IFRD1: variants seen among roughly 807,000 people sequenced by gnomAD.
IFRD1 encodes interferon-related developmental regulator 1.
IFRD1 carries 35 observed loss-of-function variants against 52.9 expected under a neutral mutation model. The ratio of observed to expected loss-of-function variants is 0.66; its 90% CI spans 0.51 to 0.88. The LOEUF is 0.88. IFRD1 is among the 40% of genes least tolerant of loss of function. The pLI, the probability that IFRD1 is intolerant of heterozygous loss-of-function variation, is 0.00. For synonymous variants in IFRD1, 184 were observed against 188.4 expected, an observed-to-expected ratio of 0.98 and a Z score of 0.19; for missense variants, 517 against 550.8, an observed-to-expected ratio of 0.94 and a Z score of 0.61.
In IFRD1 at chr7:112,462,129, A is replaced by G. The variant is rs1211887579; in HGVS notation, c.747A>G (p.Thr249=). 1.9e-6 allele frequency: 3 copies of G among 1,613,882 alleles called. 1 individual carries two copies. In the South Asian group the frequency reaches 3.3e-5, roughly 18 times the overall value. The part of the protein sequence containing the change: ...VLHISSLLAW[T]LLLTICPINE... ...ATATCAGCTCTCTTCTTGCATGGAC[A>G]CTACTGCTGACCATATGCCCAATCA... Residue 249 remains threonine (T), a synonymous_variant, in exon 7 of 12, where the codon ACA becomes ACG. Transcript: ENST00000403825.
intron 1 of IFRD1, among the ~76,000 whole-genome samples, chr7:112,438,310 T>C (rs568609883): frequency 6.6e-6 from 1 of 152,320 alleles, no homozygotes; most frequent in African/African-American, 2.4e-5. Context: ...CAAAGTGTAC[T>C]ACCTCATTTA....
intron 9 of IFRD1, among the ~76,000 whole-genome samples, chr7:112,471,618 T>G (rs1584503176): frequency 6.6e-6 from 1 of 152,208 alleles, no homozygotes; most frequent in African/African-American, 2.4e-5. Context: ...TCTGTGTCAT[T>G]TGGGCTGCAC....
intron 11 of IFRD1, among the ~76,000 whole-genome samples, chr7:112,474,791 T>C (rs1795851154): frequency 6.6e-6 from 1 of 152,214 alleles, no homozygotes; most frequent in Admixed American, 6.5e-5. Flanking sequence ...CTTGTTCTAA[T>C]TGACAGCCAA....
rs1254465921 is a variant in IFRD1, at chr7:112,469,992, G to C, written c.1041+1877G>C. On this transcript the variant is annotated intron_variant, in intron 9 of 11. Coordinates refer to ENST00000403825, the MANE Select transcript of IFRD1 (RefSeq NM_001550.4). ...AACCTAGCTTTTTCTGGAGCACCCA[G>C]CTTCTCGGATGGGTCTTTAAATGAA... Among the ~76,000 whole-genome samples the C allele has an allele frequency of 5.3e-5, 8 of 150,886 alleles. No homozygotes were observed. The East Asian group carries it at 1.4e-3, about 26-fold the overall frequency.
At chr7:112,463,931 A>G (rs950325139) in intron 8 of IFRD1, among the ~76,000 whole-genome samples, 1 of 151,320 alleles carries the variant, frequency 6.6e-6, no homozygotes, top group Non-Finnish European at 1.5e-5. Flanking sequence ...TAAATTACAC[A>G]GGATAACCAG....
chr7:112,462,797 ACTT>A (rs1430177585), intron 8 of IFRD1, among the ~76,000 whole-genome samples: 1 of 148,662 alleles, frequency 6.7e-6, no homozygotes, highest in African/African-American at 2.5e-5. Flanking sequence ...GGGTTCAGTA[ACTT>A]CTCTAAGCCA....
At chr7:112,472,146 G>A (rs1795764958) in intron 9 of IFRD1, 73 bp from the exon 10 acceptor site, 1 of 1,471,910 alleles carries the variant, frequency 6.8e-7, no homozygotes. Flanking sequence ...TGACTGTTTA[G>A]AAATTGTGTT....
intron 1 of IFRD1, among the ~76,000 whole-genome samples, chr7:112,430,634 A>G (rs769151348): frequency 1.9e-4 from 29 of 152,200 alleles, no homozygotes; most frequent in Non-Finnish European, 4.1e-4. Context: ...CCTACCCAAA[A>G]TAAACCTTCG....
chr7:112,444,609 C>T (rs1300023611), intron 1 of IFRD1, among the ~76,000 whole-genome samples: 2 of 152,104 alleles, frequency 1.3e-5, no homozygotes, highest in South Asian at 2.1e-4. Flanking sequence ...AAAAAACTTA[C>T]ACTGGCAAAC....
chr7:112,445,215 C>T (rs929565575), intron 1 of IFRD1, among the ~76,000 whole-genome samples: 15 of 152,074 alleles, frequency 9.9e-5, no homozygotes, highest in East Asian at 5.8e-4. Flanking sequence ...TACAGGCGCC[C>T]GCCACCACGC....
At chr7:112,446,068 T>C (rs1795023513), upstream of IFRD1, 1 of 152,410 alleles carries the variant, frequency 6.6e-6, no homozygotes, top group African/African-American at 2.4e-5. Flanking sequence ...TGGGGAAGGA[T>C]GTTCTAGGCA....
chr7:112,457,129 C>G (rs1795315091), intron 4 of IFRD1, 91 bp downstream of exon 4: 2 of 1,308,614 alleles, frequency 1.5e-6, no homozygotes, highest in Non-Finnish European at 1.1e-6. Flanking sequence ...CACTGGAACA[C>G]TGGCCCACTC....
intron 2 of IFRD1, 35 bp from the exon 3 acceptor site, chr7:112,455,967 T>G: frequency 2.0e-6 from 3 of 1,507,130 alleles, no homozygotes; most frequent in Non-Finnish European, 1.8e-6. Context: ...TTTTTTTCTT[T>G]TAAATTACGA....
chr7:112,427,074 C>A (rs1171570414), intron 1 of IFRD1, among the ~76,000 whole-genome samples: 1 of 152,220 alleles, frequency 6.6e-6, no homozygotes, highest in Non-Finnish European at 1.5e-5. Context: ...GTGTCCTTAA[C>A]CTTGGCAAAA....
intron 1 of IFRD1, among the ~76,000 whole-genome samples, chr7:112,433,955 G>C (rs1794607839): frequency 6.6e-6 from 1 of 152,072 alleles, no homozygotes; most frequent in African/African-American, 2.4e-5. Context: ...GAGTAGCGGG[G>C]ACCACAGGCG....
chr7:112,444,119 A>G (rs565355232), intron 1 of IFRD1, among the ~76,000 whole-genome samples: 1 of 152,286 alleles, frequency 6.6e-6, no homozygotes, highest in Admixed American at 6.5e-5. Flanking sequence ...TAACTATCCT[A>G]GTTTGGCTGT....
chr7:112,464,408 C>T (rs1424235729), intron 8 of IFRD1, among the ~76,000 whole-genome samples: 3 of 152,042 alleles, frequency 2.0e-5, no homozygotes, highest in Non-Finnish European at 4.4e-5. Flanking sequence ...GGATGTTTGC[C>T]ATATAACCAA....
intron 8 of IFRD1, 41 bp downstream of exon 8, chr7:112,462,419 G>C: frequency 7.4e-7 from 1 of 1,352,810 alleles, no homozygotes; most frequent in Non-Finnish European, 1.1e-6. Context: ...TGTGTCACAA[G>C]GCCCATTGTT....
chr7:112,445,277 A>G (rs112938472), intron 1 of IFRD1, among the ~76,000 whole-genome samples: 91 of 152,096 alleles, frequency 6.0e-4, no homozygotes, highest in Non-Finnish European at 7.2e-4. Context: ...CGTGTTAGCC[A>G]GGATGGTCTC....
Sources: allele counts gnomAD v4.1 joint callset (sites outside exome capture counted in the v4.1 genomes callset), GRCh38; gene constraint gnomAD v4.1.1; transcripts MANE v1.5; gene names NCBI Gene and HGNC (gene_info 2026-07-23, HGNC 2026-07-21).